Variants in SPAG16 observed in about 807,000 individuals in gnomAD.
The protein encoded by SPAG16 is sperm-associated antigen 16 protein.
SPAG16 carries 86 observed loss-of-function variants against 80.4 expected under a neutral mutation model. The ratio of observed to expected loss-of-function variants is 1.07; its 90% CI spans 0.90 to 1.28. The LOEUF (loss-of-function observed/expected upper bound fraction) is 1.28, where lower values mean the gene tolerates loss of function less well. Among genes scored for constraint, SPAG16 ranks in the 50% most tolerant of loss-of-function variants. SPAG16 has a pLI of 0.00. For synonymous variants in SPAG16, 294 were observed against 265.9 expected (o/e 1.11, Z -1.03); for missense variants, 870 against 765.3 (o/e 1.14, Z -1.61).
At chr2:213,418,908 A>C (rs764081603) in intron 9 of SPAG16, among the ~76,000 whole-genome samples, 23 of 152,210 alleles carry the variant, frequency 1.5e-4, no homozygotes, top group Non-Finnish European at 2.6e-4. Context: ...ACCATCAACT[A>C]TACAAATTAC....
chr2:214,051,081 A>G (rs1434823605), intron 13 of SPAG16, among the ~76,000 whole-genome samples: 1 of 152,158 alleles, frequency 6.6e-6, no homozygotes, highest in Non-Finnish European at 1.5e-5. Context: ...TATTGATGAC[A>G]TAATGGTTTG....
In SPAG16 at chr2:214,181,384, CAG is replaced by C. The variant is rs565520737; in HGVS notation, c.1720+32120_1720+32121del. 4.6e-5 allele frequency among the ~76,000 whole-genome samples: 7 copies of C among 151,850 alleles called. No individual in the cohort carries two copies. The South Asian group carries it at 1.5e-3, about 32-fold the overall frequency. ...AATAGAGGCCTCTAACTTGACATGA[CAG>C]AAAGTATGATGGGATTTTCAAGGCA... On this transcript the variant is annotated intron_variant, in intron 15 of 15. Transcript: ENST00000331683.
intron 15 of SPAG16, among the ~76,000 whole-genome samples, chr2:214,377,450 A>G (rs956412218): frequency 1.3e-5 from 2 of 152,172 alleles, no homozygotes. Flanking sequence ...TACACAGACA[A>G]TGTGAATTTG....
chr2:214,360,490 CT>C (rs1699113268), intron 15 of SPAG16, among the ~76,000 whole-genome samples: 1 of 151,700 alleles, frequency 6.6e-6, no homozygotes, highest in Non-Finnish European at 1.5e-5. Context: ...AAACAAAATT[CT>C]ATAGTTTACC....
intron 13 of SPAG16, among the ~76,000 whole-genome samples, chr2:214,028,963 T>C (rs2048274215): frequency 1.3e-5 from 2 of 152,036 alleles, no homozygotes; most frequent in Non-Finnish European, 2.9e-5. Context: ...GACTAAAGTC[T>C]CTGCCTTTGG....
chr2:213,677,002 C>T (rs2064116114), intron 10 of SPAG16, among the ~76,000 whole-genome samples: 1 of 151,722 alleles, frequency 6.6e-6, no homozygotes, highest in Admixed American at 6.6e-5. Context: ...GGCTGTGAAT[C>T]CATCTGGTCC....
Position 214,125,000 on chromosome 2 carries a change from C to A in SPAG16, c.1593+16739C>A, listed in dbSNP as rs573462747. On this transcript the variant is annotated intron_variant, in intron 14 of 15. Transcript: ENST00000331683. Reference sequence around the variant, plus strand: ...TAGATTGCATTCAGAAACCTAAATTCATTGAATTTTTTTCTGAAACCATTC... The same window carrying A: ...TAGATTGCATTCAGAAACCTAAATTAATTGAATTTTTTTCTGAAACCATTC... 9.9e-5 allele frequency among the ~76,000 whole-genome samples: 15 copies of A among 151,834 alleles called. No individual in the cohort carries two copies. The South Asian group carries it at 3.1e-3, about 32-fold the overall frequency.
intron 15 of SPAG16, among the ~76,000 whole-genome samples, chr2:214,292,150 T>C (rs1693848919): frequency 6.6e-6 from 1 of 152,160 alleles, no homozygotes; most frequent in South Asian, 2.1e-4. Flanking sequence ...TAGGTGACAA[T>C]ATGTTTTTCT....
At chr2:214,352,122 CTT>C (rs1698454274) in intron 15 of SPAG16, among the ~76,000 whole-genome samples, 1 of 152,150 alleles carries the variant, frequency 6.6e-6, no homozygotes, top group Admixed American at 6.6e-5. Flanking sequence ...TTCGTGAAGA[CTT>C]TGCCCTCATG....
intron 12 of SPAG16, among the ~76,000 whole-genome samples, chr2:213,978,212 C>G (rs1428348875): frequency 6.6e-6 from 1 of 152,018 alleles, no homozygotes; most frequent in Admixed American, 6.6e-5. Context: ...TCACATTTTA[C>G]TCTAAACAGA....
At chr2:213,877,347 C>T (rs720015) in intron 11 of SPAG16, among the ~76,000 whole-genome samples, 90,329 of 151,882 alleles carry the variant, frequency 0.59, 28,738 homozygotes, top group South Asian at 0.85. Context: ...TCTCACTTTG[C>T]TGTGTAGTCA....
chr2:213,364,029 A>T, intron 7 of SPAG16, 47 bp from the exon 8 acceptor site: 2 of 909,666 alleles, frequency 2.2e-6, no homozygotes, highest in Non-Finnish European at 3.1e-6. Context: ...AACCTTTTTA[A>T]AAGTCATTTA....
Position 213,579,714 on chromosome 2 carries a change from A to T in SPAG16, c.1070+89624A>T, listed in dbSNP as rs1271624378. Among the ~76,000 whole-genome samples, 74 of 152,122 alleles carry T rather than the reference A, an allele frequency of 4.9e-4. 1 individual carries two copies. The highest frequency in any genetic ancestry group is 4.8e-3 in the Admixed American group (74 of 15,268). ...TTACATTGATTTGACTTAAAAGTCTATAATTGTATGTGCAACTTTTCAATA... is the reference window on the plus strand; with the variant it reads ...TTACATTGATTTGACTTAAAAGTCTTTAATTGTATGTGCAACTTTTCAATA... On this transcript the variant is annotated intron_variant, in intron 10 of 15. Coordinates refer to ENST00000331683, the MANE Select transcript of SPAG16 (RefSeq NM_024532.5).
intron 10 of SPAG16, among the ~76,000 whole-genome samples, chr2:213,787,313 C>T (rs1834770): frequency 0.012 from 1,818 of 152,250 alleles, 45 homozygotes; most frequent in African/African-American, 0.042. Flanking sequence ...GGTATTGATG[C>T]TTTCTATTTG....
At chr2:213,723,310 A>G (rs1166336609) in intron 10 of SPAG16, among the ~76,000 whole-genome samples, 2 of 152,158 alleles carry the variant, frequency 1.3e-5, no homozygotes, top group Non-Finnish European at 2.9e-5. Flanking sequence ...TAATCATACT[A>G]ATAATAAAGA....
chr2:213,613,336 C>T (rs1210967900), intron 10 of SPAG16, among the ~76,000 whole-genome samples: 2 of 152,220 alleles, frequency 1.3e-5, no homozygotes, highest in African/African-American at 2.4e-5. Flanking sequence ...TGAAGTCCTT[C>T]TAATTACCAA....
At chr2:214,309,508 T>A (rs1413164473) in intron 15 of SPAG16, among the ~76,000 whole-genome samples, 1 of 152,160 alleles carries the variant, frequency 6.6e-6, no homozygotes, top group Non-Finnish European at 1.5e-5. Context: ...TGATTCTTTC[T>A]CATGTTTGTG....
chr2:213,422,419 G>C, intron 9 of SPAG16: 1 of 632,840 alleles, frequency 1.6e-6, no homozygotes, highest in South Asian at 1.8e-5. Context: ...ACAGTGGCTG[G>C]ACCTGGTTCT....
chr2:213,688,505 G>A (rs961891567), intron 10 of SPAG16, among the ~76,000 whole-genome samples: 5 of 152,108 alleles, frequency 3.3e-5, no homozygotes, highest in African/African-American at 1.2e-4. Flanking sequence ...AAAATATTTG[G>A]ATTTTCTTCT....
Sources: allele counts gnomAD v4.1 joint callset (sites outside exome capture counted in the v4.1 genomes callset), GRCh38; gene constraint gnomAD v4.1.1; transcripts MANE v1.5; gene names NCBI Gene and HGNC (gene_info 2026-07-23, HGNC 2026-07-21).